The following SLC25A13 variants were observed in gnomAD, a reference collection of about 807,000 sequenced individuals.
SLC25A13 encodes the protein solute carrier family 25 member 13.
A neutral mutation model predicts 85.5 loss-of-function variants in SLC25A13; 70 were observed. The ratio of observed to expected loss-of-function variants is 0.82; its 90% confidence interval spans 0.68 to 1.00. SLC25A13 has a LOEUF of 1.00. SLC25A13 is among the 50% of genes least tolerant of loss of function. The pLI, the probability that SLC25A13 is intolerant of heterozygous loss-of-function variation, is 0.00. For missense variants in SLC25A13, 765 were observed against 819.8 expected, an observed-to-expected ratio of 0.93 and a Z score of 0.82; for synonymous variants, 259 against 288.7, an observed-to-expected ratio of 0.90 and a Z score of 1.04.
intron 14 of SLC25A13, among the ~76,000 whole-genome samples, chr7:96,142,650 T>C (rs541021561): frequency 6.6e-6 from 1 of 152,310 alleles, no homozygotes; most frequent in East Asian, 1.9e-4. Flanking sequence ...TAATATAAAA[T>C]CTTCAGCAGT....
chr7:96,299,299 C>A (rs1799466228), intron 1 of SLC25A13, among the ~76,000 whole-genome samples: 1 of 152,178 alleles, frequency 6.6e-6, no homozygotes, highest in African/African-American at 2.4e-5. Flanking sequence ...ACTTTGTAAC[C>A]TTCTCAGGGT....
At chr7:96,311,109 G>A (rs1028702488) in intron 1 of SLC25A13, among the ~76,000 whole-genome samples, 1 of 152,082 alleles carries the variant, frequency 6.6e-6, no homozygotes, top group African/African-American at 2.4e-5. Flanking sequence ...ACACACAAGA[G>A]TGTGTATTTA....
Position 96,296,941 on chromosome 7 carries a change from G to C in SLC25A13, c.26C>G (p.Thr9Ser). Reference protein sequence around the residue: MAAAKVALTKRADPAELRT... With the variant: MAAAKVALSKRADPAELRT... ...AAGCTCAGCTGGATCTGCTCTCTTG[G>C]TTAAAGCCACCTATAAATAAACATA... The change falls in exon 2 of 18, where the codon ACC becomes AGC. Residue 9 changes from threonine (T) to serine (S), a missense_variant. Coordinates refer to ENST00000265631, the MANE Select transcript of SLC25A13 (RefSeq NM_014251.3). 2 of 1,613,178 alleles carry C rather than the reference G, an allele frequency of 1.2e-6. 1 individual carries two copies. Among genetic ancestry groups the C allele is most frequent in the African/African-American group, 2.7e-5 (2 of 74,946 alleles).
chr7:96,141,608 G>A (rs557541472), intron 14 of SLC25A13, among the ~76,000 whole-genome samples: 7 of 152,342 alleles, frequency 4.6e-5, no homozygotes, highest in Admixed American at 3.9e-4. Flanking sequence ...GGATGGGTGA[G>A]AACTACCACT....
chr7:96,222,740 G>A (rs933711097), intron 4 of SLC25A13, among the ~76,000 whole-genome samples: 3 of 151,930 alleles, frequency 2.0e-5, no homozygotes, highest in Non-Finnish European at 2.9e-5. Flanking sequence ...CACTGCGCCC[G>A]GCTCTTTTTG....
chr7:96,277,732 C>A (rs565502378), intron 2 of SLC25A13, among the ~76,000 whole-genome samples: 1 of 151,672 alleles, frequency 6.6e-6, no homozygotes, highest in South Asian at 2.1e-4. Context: ...GGTTCAGAAA[C>A]CCTGGTTTAT....
At chr7:96,314,229 G>T (rs1320813380) in intron 1 of SLC25A13, among the ~76,000 whole-genome samples, 1 of 152,024 alleles carries the variant, frequency 6.6e-6, no homozygotes, top group Non-Finnish European at 1.5e-5. Context: ...GGCCAATAAT[G>T]AGAGGGGACA....
intron 15 of SLC25A13, among the ~76,000 whole-genome samples, chr7:96,131,361 T>C (rs1478911846): frequency 6.6e-6 from 1 of 152,242 alleles, no homozygotes; most frequent in Non-Finnish European, 1.5e-5. Flanking sequence ...GACAGGCTTT[T>C]ATGCACTATT....
At chr7:96,305,714 A>G (rs988871864) in intron 1 of SLC25A13, among the ~76,000 whole-genome samples, 6 of 152,220 alleles carry the variant, frequency 3.9e-5, no homozygotes, top group Non-Finnish European at 7.3e-5. Context: ...TGAAGCCCAG[A>G]TAATGCCATA....
intron 13 of SLC25A13, among the ~76,000 whole-genome samples, chr7:96,148,461 C>T (rs1414883899): frequency 6.6e-6 from 1 of 152,308 alleles, no homozygotes; most frequent in Non-Finnish European, 1.5e-5. Flanking sequence ...CAGCTATTTA[C>T]GGTTGGCAGA....
chr7:96,273,317 AAAC>A (rs1195998083), intron 3 of SLC25A13, among the ~76,000 whole-genome samples: 17 of 152,110 alleles, frequency 1.1e-4, no homozygotes, highest in African/African-American at 3.9e-4. Flanking sequence ...TTCAATCAAA[AAAC>A]AAAAAAAGAA....
chr7:96,288,129 GA>G (rs1584570766), intron 2 of SLC25A13, among the ~76,000 whole-genome samples: 1 of 152,116 alleles, frequency 6.6e-6, no homozygotes, highest in East Asian at 1.9e-4. Context: ...TTCCAACTTA[GA>G]AACTGTATAC....
chr7:96,209,057 GCT>G, intron 4 of SLC25A13, 80 bp from the exon 5 acceptor site: 1 of 1,388,324 alleles, frequency 7.2e-7, no homozygotes, highest in East Asian at 2.3e-5. Flanking sequence ...AATGGATATC[GCT>G]TTTTCTTATT....
chr7:96,135,626 T>C (rs1252738457), intron 14 of SLC25A13, among the ~76,000 whole-genome samples: 2 of 152,224 alleles, frequency 1.3e-5, no homozygotes. Flanking sequence ...TAAACCTGTT[T>C]GACTTGAATT....
chr7:96,159,645 G>A (rs1427456146), intron 13 of SLC25A13, among the ~76,000 whole-genome samples: 1 of 152,152 alleles, frequency 6.6e-6, no homozygotes, highest in Non-Finnish European at 1.5e-5. Flanking sequence ...CACTAAGTTA[G>A]ACTGTCTGAC....
intron 2 of SLC25A13, 39 bp from the exon 3 acceptor site, chr7:96,277,377 A>G: frequency 6.4e-7 from 1 of 1,561,988 alleles, no homozygotes; most frequent in Non-Finnish European, 8.7e-7. Flanking sequence ...TATATATTTG[A>G]TTTTCAACAG....
chr7:96,186,526 G>T (rs924595426), intron 9 of SLC25A13, among the ~76,000 whole-genome samples: 15 of 152,020 alleles, frequency 9.9e-5, no homozygotes, highest in African/African-American at 3.6e-4. Context: ...TGGAAATTTC[G>T]ATTATTTCCC....
chr7:96,241,103 A>AAAGG (rs1554363837), intron 3 of SLC25A13, among the ~76,000 whole-genome samples: 11 of 140,758 alleles, frequency 7.8e-5, no homozygotes, highest in Middle Eastern at 3.6e-3. Flanking sequence ...AGAAAGAAAG[A>AAAGG]AAGGCACTTT....
intron 11 of SLC25A13, among the ~76,000 whole-genome samples, chr7:96,178,431 A>G (rs76948503): frequency 0.033 from 5,005 of 152,270 alleles, 204 homozygotes; most frequent in African/African-American, 0.096. Flanking sequence ...CATCTAATAG[A>G]GGGCAGAAGG....
Sources: allele counts gnomAD v4.1 joint callset (sites outside exome capture counted in the v4.1 genomes callset), GRCh38; gene constraint gnomAD v4.1.1; transcripts MANE v1.5; gene names NCBI Gene and HGNC (gene_info 2026-07-23, HGNC 2026-07-21).